Variants in KLHL13 observed in about 807,000 individuals in gnomAD.
KLHL13 encodes kelch-like protein 13.
A neutral mutation model predicts 37.1 loss-of-function variants in KLHL13; 10 were observed. The observed-to-expected ratio is 0.27, with a 90% CI of 0.17 to 0.46. The LOEUF (loss-of-function observed/expected upper bound fraction) is 0.46. Among genes scored for constraint, KLHL13 ranks in the 20% least tolerant of loss-of-function variants. The pLI is 1.00. For missense variants in KLHL13, 360 were observed against 509.3 expected, an observed-to-expected ratio of 0.71 and a Z score of 2.82; for synonymous variants, 163 against 181.2, an observed-to-expected ratio of 0.90 and a Z score of 0.81.
At chrX:117,930,290 A>AAGGAAGGAAGGAAGGCAGGC (rs1556301121) in intron 2 of KLHL13, among the ~76,000 whole-genome samples, 12 of 77,970 alleles carry the variant, frequency 1.5e-4, no homozygotes, top group South Asian at 5.9e-4. Flanking sequence ...GGAAGGAAGG[A>AAGGAAGGAAGGAAGGCAGGC]AGGCAGGCAG....
chrX:117,953,553 T>G (rs912438665), intron 1 of KLHL13, among the ~76,000 whole-genome samples: 1 of 109,986 alleles, frequency 9.1e-6, no homozygotes, highest in Admixed American at 9.7e-5. Context: ...TAAAGTATAA[T>G]AGTAATAAAA....
At chrX:117,994,162 G>A (rs757067485) in intron 1 of KLHL13, among the ~76,000 whole-genome samples, 18 of 111,868 alleles carry the variant, frequency 1.6e-4, no homozygotes, top group Non-Finnish European at 2.8e-4. Flanking sequence ...TTGGGGTTTT[G>A]TTTGCACTTG....
chrX:117,972,896 A>G, exon 1 of KLHL13: 1 of 1,184,929 alleles, frequency 8.4e-7, no homozygotes, highest in Non-Finnish European at 1.1e-6. Context: ...TAAGACTTCC[A>G]TTCCACACTG....
chrX:117,973,777 A>G (rs931206356), upstream of KLHL13: 5 of 739,093 alleles, frequency 6.8e-6, no homozygotes, highest in African/African-American at 1.2e-4. Context: ...ATCTAATTCA[A>G]TACTGCCCTC....
chrX:117,904,612 T>G (rs1196576956), intron 5 of KLHL13, among the ~76,000 whole-genome samples: 1 of 112,134 alleles, frequency 8.9e-6, no homozygotes, highest in Admixed American at 9.5e-5. Flanking sequence ...TTTTACACAT[T>G]GAAAAAGAAT....
At chrX:117,992,249 AG>A (rs2053802905) in intron 1 of KLHL13, among the ~76,000 whole-genome samples, 1 of 107,169 alleles carries the variant, frequency 9.3e-6, no homozygotes, top group South Asian at 4.2e-4. Context: ...AAAAAAAAAA[AG>A]GTGCAGAAAG....
chrX:117,925,980 C>A lies in KLHL13; in HGVS notation c.241-5610G>T, dbSNP rs1038795782. 1.1e-4 allele frequency among the ~76,000 whole-genome samples: 12 copies of A among 111,417 alleles called. No individual in the cohort carries two copies. The Admixed American group carries it at 1.1e-3, about 11-fold the overall frequency. On this transcript the variant is annotated intron_variant, in intron 2 of 6. Transcript: ENST00000262820. Reference sequence around the variant, plus strand: ...GGGATTACAGGTGTGAGTCACCACACCTGCCCAAATTCCACCTCCTTTGTA... The same window carrying A: ...GGGATTACAGGTGTGAGTCACCACAACTGCCCAAATTCCACCTCCTTTGTA...
intron 1 of KLHL13, among the ~76,000 whole-genome samples, chrX:118,115,693 CCT>C (rs1157871863): frequency 8.9e-6 from 1 of 112,439 alleles, no homozygotes; most frequent in African/African-American, 3.2e-5. Flanking sequence ...TCCCACCAAT[CCT>C]CTCTCTCAGG....
chrX:118,097,431 G>A (rs1271413990), intron 1 of KLHL13, among the ~76,000 whole-genome samples: 1 of 111,272 alleles, frequency 9.0e-6, no homozygotes, highest in Non-Finnish European at 1.9e-5. Context: ...AATAAAAGAG[G>A]ATACAAACAA....
intron 1 of KLHL13, among the ~76,000 whole-genome samples, chrX:118,007,115 A>G (rs1206294720): frequency 9.0e-6 from 1 of 110,940 alleles, no homozygotes; most frequent in African/African-American, 3.3e-5. Context: ...TGAGAAGTCA[A>G]AAGTAGGAGT....
intron 6 of KLHL13, among the ~76,000 whole-genome samples, chrX:117,901,441 T>C (rs1241890850): frequency 9.0e-6 from 1 of 111,132 alleles, no homozygotes; most frequent in African/African-American, 3.3e-5. Flanking sequence ...GACATTCATA[T>C]GCAAATACAC....
At chrX:117,966,348 A>G (rs2053430049) in intron 1 of KLHL13, among the ~76,000 whole-genome samples, 1 of 111,076 alleles carries the variant, frequency 9.0e-6, no homozygotes, top group Non-Finnish European at 1.9e-5. Context: ...AATCCAACTT[A>G]CAAGGGATGT....
At chrX:118,012,674 GGC>G (rs2054083334) in intron 1 of KLHL13, among the ~76,000 whole-genome samples, 1 of 106,139 alleles carries the variant, frequency 9.4e-6, no homozygotes, top group Non-Finnish European at 1.9e-5. Context: ...GGCCATCCTG[GGC>G]GGGGGCGGGG....
chrX:118,068,692 C>T (rs2054821191), intron 1 of KLHL13, among the ~76,000 whole-genome samples: 1 of 111,516 alleles, frequency 9.0e-6, no homozygotes, highest in Non-Finnish European at 1.9e-5. Flanking sequence ...CACTGTGCCC[C>T]ACCCCAAGTG....
At chrX:118,090,681 G>T (rs2055121547) in intron 1 of KLHL13, among the ~76,000 whole-genome samples, 1 of 109,684 alleles carries the variant, frequency 9.1e-6, no homozygotes, top group Non-Finnish European at 1.9e-5. Flanking sequence ...CTGTTGGTGG[G>T]ACTGTAAACT....
intron 1 of KLHL13, among the ~76,000 whole-genome samples, chrX:118,103,994 T>C (rs1466633876): frequency 2.0e-5 from 2 of 101,267 alleles, no homozygotes; most frequent in Non-Finnish European, 3.9e-5. Flanking sequence ...GAGGACCACT[T>C]GAGCCCAGAA....
intron 1 of KLHL13, among the ~76,000 whole-genome samples, chrX:118,046,372 T>C (rs992383335): frequency 3.6e-5 from 4 of 111,967 alleles, no homozygotes. Flanking sequence ...GATGGTAGAA[T>C]GATGGCTACC....
chrX:117,911,447 G>A (rs1313898898), intron 4 of KLHL13, among the ~76,000 whole-genome samples: 4 of 111,722 alleles, frequency 3.6e-5, no homozygotes, highest in Admixed American at 1.9e-4. Context: ...CATGCAGAAC[G>A]TGCAGGTTTG....
chrX:118,080,151 GAACTC>G (rs2054974698), intron 1 of KLHL13, among the ~76,000 whole-genome samples: 1 of 111,112 alleles, frequency 9.0e-6, no homozygotes, highest in Admixed American at 9.6e-5. Flanking sequence ...AAAAATTTAA[GAACTC>G]AAACTATAAA....
Sources: gnomAD v4.1 joint callset for allele counts (sites outside exome capture counted in the v4.1 genomes callset) on GRCh38, gnomAD v4.1.1 for gene constraint, MANE v1.5 for transcripts, NCBI Gene and HGNC (gene_info 2026-07-23, HGNC 2026-07-21) for gene names.